The following SLC5A1 variants were observed in gnomAD, a reference collection of about 807,000 sequenced individuals.
SLC5A1 encodes sodium/glucose cotransporter 1.
SLC5A1 carries 42 observed loss-of-function variants against 73.5 expected under a neutral mutation model. The ratio of observed to expected loss-of-function variants is 0.57; its 90% CI spans 0.45 to 0.74. SLC5A1 has a LOEUF of 0.74. Among genes scored for constraint, SLC5A1 ranks in the 30% least tolerant of loss-of-function variants. The probability of loss-of-function intolerance (pLI) is 0.00; values close to 1 mark genes in which losing one functional copy is unlikely to be tolerated. For missense variants in SLC5A1, 634 were observed against 855.4 expected (o/e 0.74, Z 3.23); for synonymous variants, 300 against 317.4 (o/e 0.95, Z 0.58).
At position 32,102,026 on chromosome 22, in the gene SLC5A1, C is replaced by T. The variant is rs1189529521; in HGVS notation, c.1454C>T (p.Ala485Val). ...IFWKRVNEPGAFWGLILGLLI... is the reference protein window; with the variant it reads ...IFWKRVNEPGVFWGLILGLLI... Reference sequence around the variant, plus strand: ...ACCCAGGGTTTTCTTTCACAGGGAGCCTTTTGGGGACTGATCCTAGGACTT... The same window carrying T: ...ACCCAGGGTTTTCTTTCACAGGGAGTCTTTTGGGGACTGATCCTAGGACTT... The change falls in exon 13 of 15, where the codon GCC (alanine) becomes GTC (valine). Residue 485 changes from alanine to valine, a missense_variant. By Grantham distance (64) the Ala-to-Val change is moderately conservative. Coordinates refer to ENST00000266088, the MANE Select transcript of SLC5A1 (RefSeq NM_000343.4). 3 of 1,612,934 alleles carry T rather than the reference C, an allele frequency of 1.9e-6. No individual in the cohort carries two copies. Among genetic ancestry groups the T allele is most frequent in the Non-Finnish European group, 2.5e-6 (3 of 1,179,122 alleles).
At chr22:32,087,817 G>A (rs1226082325) in intron 10 of SLC5A1, among the ~76,000 whole-genome samples, 1 of 152,120 alleles carries the variant, frequency 6.6e-6, no homozygotes, top group Non-Finnish European at 1.5e-5. Context: ...GAAACTTAGA[G>A]ACTAGTCAAA....
intron 2 of SLC5A1, among the ~76,000 whole-genome samples, chr22:32,063,002 C>G (rs140365243): frequency 3.9e-5 from 6 of 152,152 alleles, no homozygotes; most frequent in African/African-American, 1.4e-4. Flanking sequence ...GGCTTGTAGA[C>G]GGCTGCCTTT....
In SLC5A1 at chr22:32,110,589, C is replaced by T. The variant is rs2094054919; in HGVS notation, c.*376C>T. 3.2e-6 allele frequency: 1 copy of T among 310,470 alleles called. No homozygotes were observed. The highest frequency in any genetic ancestry group is 2.2e-5 in the African/African-American group (1 of 46,064). The allele number at this position is 310,470 out of a possible 1,614,324, so 19.2% of individuals were successfully genotyped here. A position where few individuals can be genotyped will look rare whatever the true frequency, so the allele number is the denominator to read the frequency against. On this transcript the variant is annotated 3_prime_UTR_variant, in exon 15 of 15. Coordinates refer to ENST00000266088, the MANE Select transcript of SLC5A1 (RefSeq NM_000343.4). ...TATTGTTTTAGAAACTTTGGTCTCCCTGGTTCCTGCCACTTTTCCTGTCCG... is the reference window on the plus strand; with the variant it reads ...TATTGTTTTAGAAACTTTGGTCTCCTTGGTTCCTGCCACTTTTCCTGTCCG...
In SLC5A1 at chr22:32,104,864, GAAGGCCCTAAGGAGACCATTGAA is replaced by G. The variant is rs774993090; in HGVS notation, c.1746_1768del (p.Glu582AspfsTer7). The G allele has an allele frequency of 6.2e-7, 1 of 1,614,052 alleles. No individual in the cohort carries two copies. On this transcript the variant is annotated frameshift_variant, in exon 14 of 15. Transcript: ENST00000266088. LOFTEE classifies it high-confidence loss of function. ...GGATGCGGAAGAGGAGAACATCCAA[GAAGGCCCTAAGGAGACCATTGAA>G]ATAGGTGACTTATGACCCAGAGCAG...
intron 11 of SLC5A1, 108 bp downstream of exon 11, chr22:32,091,870 A>G (rs2094018481): frequency 1.9e-6 from 2 of 1,071,016 alleles, no homozygotes; most frequent in African/African-American, 1.5e-5. Context: ...TAGAATGGGA[A>G]TAATTTCTGT....
chr22:32,060,066 CATAT>C (rs200322591), intron 2 of SLC5A1, among the ~76,000 whole-genome samples: 2 of 145,932 alleles, frequency 1.4e-5, no homozygotes, highest in African/African-American at 2.6e-5. Context: ...TATACACACA[CATAT>C]ATATATACAC....
chr22:32,067,849 G>A, intron 3 of SLC5A1, 118 bp from the exon 4 acceptor site: 8 of 1,034,200 alleles, frequency 7.7e-6, no homozygotes, highest in Middle Eastern at 2.7e-4. Flanking sequence ...AGTCTCTAAC[G>A]GCTCCTTAGG....
intron 2 of SLC5A1, among the ~76,000 whole-genome samples, chr22:32,053,273 C>T (rs539707929): frequency 6.6e-6 from 1 of 152,116 alleles, no homozygotes; most frequent in Non-Finnish European, 1.5e-5. Flanking sequence ...TTTTTCCTCC[C>T]TTTTCTTCTC....
intron 5 of SLC5A1, among the ~76,000 whole-genome samples, chr22:32,077,120 C>T (rs1301650807): frequency 6.6e-6 from 1 of 152,152 alleles, no homozygotes; most frequent in African/African-American, 2.4e-5. Context: ...ATCTAGAGGA[C>T]CATAATTTTT....
At chr22:32,085,071 CT>C in intron 9 of SLC5A1, 36 bp downstream of exon 9, 1 of 1,613,334 alleles carries the variant, frequency 6.2e-7, no homozygotes, top group Non-Finnish European at 8.5e-7. Flanking sequence ...ACCACTCTCC[CT>C]TTTTCTGTCT....
intron 10 of SLC5A1, among the ~76,000 whole-genome samples, chr22:32,087,845 T>G (rs939479107): frequency 2.0e-5 from 3 of 152,122 alleles, no homozygotes; most frequent in Non-Finnish European, 4.4e-5. Flanking sequence ...ATTTTACAGT[T>G]GGGGAAACGG....
At chr22:32,078,043 A>G (rs1324775456) in intron 5 of SLC5A1, among the ~76,000 whole-genome samples, 4 of 152,220 alleles carry the variant, frequency 2.6e-5, no homozygotes, top group Non-Finnish European at 5.9e-5. Flanking sequence ...GAATATGCGC[A>G]TCATTTTGTT....
chr22:32,094,211 T>C (rs980776925), intron 11 of SLC5A1, among the ~76,000 whole-genome samples: 3 of 152,152 alleles, frequency 2.0e-5, no homozygotes, highest in Admixed American at 1.3e-4. Flanking sequence ...TGGTGGATTA[T>C]CTTTTTGATA....
At chr22:32,086,971 C>G (rs930115783) in intron 10 of SLC5A1, among the ~76,000 whole-genome samples, 18 of 152,156 alleles carry the variant, frequency 1.2e-4, no homozygotes, top group Non-Finnish European at 2.6e-4. Context: ...CATAAATGAA[C>G]CTGGAGAACA....
chr22:32,071,647 G>A (rs1438993429), intron 5 of SLC5A1, among the ~76,000 whole-genome samples: 1 of 151,946 alleles, frequency 6.6e-6, no homozygotes, highest in Admixed American at 6.6e-5. Flanking sequence ...CTATCAAAAT[G>A]GTGATCTCGT....
intron 5 of SLC5A1, among the ~76,000 whole-genome samples, chr22:32,074,674 G>A (rs901907229): frequency 5.3e-5 from 8 of 152,144 alleles, no homozygotes; most frequent in Non-Finnish European, 1.2e-4. Flanking sequence ...AGGAAAGGAG[G>A]AGAAAGTGAA....
intron 10 of SLC5A1, among the ~76,000 whole-genome samples, chr22:32,089,360 G>A (rs2094013306): frequency 6.6e-6 from 1 of 152,124 alleles, no homozygotes. Flanking sequence ...GGCTGTAGGT[G>A]AGACCATAAA....
Position 32,056,437 on chromosome 22 carries a change from C to CTTTTTT in SLC5A1, c.207+6437_207+6442dup, listed in dbSNP as rs35843263. 9.9e-5 allele frequency among the ~76,000 whole-genome samples: 12 copies of CTTTTTT among 121,598 alleles called. 1 individual carries two copies. The highest frequency in any genetic ancestry group is 9.9e-5 in the Non-Finnish European group (6 of 60,314). 79.8% of individuals were successfully genotyped at this position (121,598 alleles called of 152,430 possible). A position where few individuals can be genotyped will look rare whatever the true frequency, so the allele number is the denominator to read the frequency against. Reference sequence around the variant, plus strand: ...AGGCAAACAATACATACCTTCCTGTCTTTTTTTTTTTTTTTTTTTAGCATA... The same window carrying CTTTTTT: ...AGGCAAACAATACATACCTTCCTGTCTTTTTTTTTTTTTTTTTTTTTTTTTAGCATA... On this transcript the variant is annotated intron_variant, in intron 2 of 14. Coordinates refer to ENST00000266088, the MANE Select transcript of SLC5A1 (RefSeq NM_000343.4).
intron 11 of SLC5A1, among the ~76,000 whole-genome samples, chr22:32,093,519 C>T (rs1418697363): frequency 6.6e-6 from 1 of 151,956 alleles, no homozygotes. Flanking sequence ...AGGTCTTTCA[C>T]GTCCTTGGTT....
Sources: gnomAD v4.1 joint callset for allele counts (sites outside exome capture counted in the v4.1 genomes callset) on GRCh38, gnomAD v4.1.1 for gene constraint, MANE v1.5 for transcripts, NCBI Gene and HGNC (gene_info 2026-07-23, HGNC 2026-07-21) for gene names.